PRKCE: variants seen among roughly 807,000 people sequenced by gnomAD.
PRKCE encodes the protein protein kinase C epsilon type.
PRKCE carries 16 observed loss-of-function variants against 85.4 expected under a neutral mutation model. That is an observed-to-expected ratio of 0.19 (90% CI 0.13 to 0.28). PRKCE has a LOEUF of 0.28. Ranked by LOEUF, PRKCE falls within the 10% of genes least tolerant of loss-of-function variation. The pLI, the probability that PRKCE is intolerant of heterozygous loss-of-function variation, is 1.00. For missense variants in PRKCE, 573 were observed against 975.2 expected (o/e 0.59, Z 5.49); for synonymous variants, 388 against 371.5 (o/e 1.04, Z -0.51).
chr2:45,806,351 CAG>C (rs543443169), intron 1 of PRKCE, among the ~76,000 whole-genome samples: 95 of 152,314 alleles, frequency 6.2e-4, no homozygotes, highest in Admixed American at 2.0e-3. Context: ...AGCAGGGACT[CAG>C]AGATTGACTT....
chr2:45,789,595 C>T (rs113005765), intron 1 of PRKCE, among the ~76,000 whole-genome samples: 3,687 of 152,184 alleles, frequency 0.024, 171 homozygotes, highest in African/African-American at 0.084. Flanking sequence ...CATGCCACTG[C>T]ACTCCAGCCT....
intron 1 of PRKCE, chr2:45,677,878 C>CAGG: frequency 1.0e-6 from 1 of 985,472 alleles, no homozygotes; most frequent in South Asian, 4.7e-5. Flanking sequence ...ATGGAAAGGC[C>CAGG]AGGACACCAC....
At chr2:46,050,747 T>C (rs998230464) in intron 10 of PRKCE, among the ~76,000 whole-genome samples, 1 of 152,230 alleles carries the variant, frequency 6.6e-6, no homozygotes, top group Non-Finnish European at 1.5e-5. Flanking sequence ...GATTTCTTTT[T>C]TCCCCCCCAG....
At chr2:45,938,586 A>G (rs1699647712) in intron 2 of PRKCE, among the ~76,000 whole-genome samples, 1 of 152,068 alleles carries the variant, frequency 6.6e-6, no homozygotes, top group South Asian at 2.1e-4. Context: ...TTATTCAGTT[A>G]GCAAACTTTT....
At chr2:46,136,043 C>T (rs1414478690) in intron 11 of PRKCE, among the ~76,000 whole-genome samples, 3 of 152,108 alleles carry the variant, frequency 2.0e-5, no homozygotes, top group Non-Finnish European at 2.9e-5. Context: ...CAAGTCTCCA[C>T]TATTTGTCCC....
At chr2:45,817,633 G>A (rs1025980257) in intron 1 of PRKCE, among the ~76,000 whole-genome samples, 10 of 152,150 alleles carry the variant, frequency 6.6e-5, no homozygotes. Context: ...AGCGGAGCTT[G>A]CAGTGAGCCG....
intron 10 of PRKCE, among the ~76,000 whole-genome samples, chr2:46,033,756 A>G (rs1007245986): frequency 2.0e-5 from 3 of 152,234 alleles, no homozygotes; most frequent in African/African-American, 7.2e-5. Context: ...ATTCGATAGA[A>G]TCAGATGCCG....
At chr2:45,859,195 A>C (rs1692945176) in intron 2 of PRKCE, among the ~76,000 whole-genome samples, 1 of 151,960 alleles carries the variant, frequency 6.6e-6, no homozygotes, top group South Asian at 2.1e-4. Flanking sequence ...ATATTATTCC[A>C]TTATATTAAT....
chr2:46,002,499 C>A (rs924559127), intron 7 of PRKCE, among the ~76,000 whole-genome samples: 1 of 152,192 alleles, frequency 6.6e-6, no homozygotes, highest in East Asian at 1.9e-4. Flanking sequence ...AGAAGCTACC[C>A]GTGGCTCTTC....
chr2:45,728,145 T>C (rs1328056271), intron 1 of PRKCE, among the ~76,000 whole-genome samples: 1 of 152,208 alleles, frequency 6.6e-6, no homozygotes, highest in African/African-American at 2.4e-5. Flanking sequence ...CCACATCCTT[T>C]CAGAAAGTCC....
In PRKCE at chr2:46,006,882, A is replaced by C. The variant is rs889243652; in HGVS notation, c.1064-580A>C. On this transcript the variant is annotated intron_variant, in intron 8 of 14. Coordinates refer to ENST00000306156, the MANE Select transcript of PRKCE (RefSeq NM_005400.3). ...TTTGTTAATAATAAGCCCATTGCTC[A>C]TTTTGTTAGATAACCTTGTGTAAGA... 2.6e-5 allele frequency among the ~76,000 whole-genome samples: 4 copies of C among 152,198 alleles called. No homozygotes were observed. The South Asian group carries it at 8.3e-4, about 32-fold the overall frequency.
At chr2:45,736,196 A>C (rs1439749716) in intron 1 of PRKCE, among the ~76,000 whole-genome samples, 1 of 152,136 alleles carries the variant, frequency 6.6e-6, no homozygotes, top group South Asian at 2.1e-4. Flanking sequence ...CCTGGCTTCA[A>C]GTGATCTACC....
At chr2:46,058,371 G>T (rs917080872) in intron 10 of PRKCE, among the ~76,000 whole-genome samples, 1 of 152,230 alleles carries the variant, frequency 6.6e-6, no homozygotes, top group Non-Finnish European at 1.5e-5. Flanking sequence ...GATGCTCATT[G>T]TGTGGGGATG....
rs1439625479 is a variant in PRKCE at position 45,774,057 on chromosome 2, T to C, written c.349-68943T>C. On this transcript the variant is annotated intron_variant, in intron 1 of 14. Coordinates refer to ENST00000306156, the MANE Select transcript of PRKCE (RefSeq NM_005400.3). The surrounding 1 kb of genome is among the most constrained non-coding windows in gnomAD (Gnocchi z 4.3). The stretch of plus-strand genomic sequence containing the variant: ...CCTTCTAGACCCCAGAGTCCTCCCC[T>C]CCCCCGCTGCTGCTGTTCATCTTGG... 6.6e-6 allele frequency among the ~76,000 whole-genome samples: 1 copy of C among 152,062 alleles called. No homozygotes were observed. The highest frequency in any genetic ancestry group is 2.4e-5 in the African/African-American group (1 of 41,398).
At chr2:45,902,539 T>A (rs62127255) in intron 2 of PRKCE, among the ~76,000 whole-genome samples, 88 of 152,048 alleles carry the variant, frequency 5.8e-4, no homozygotes, top group Non-Finnish European at 1.1e-3. Flanking sequence ...ATGGGATGTG[T>A]GAAAAGCTGT....
chr2:46,124,892 G>A (rs191370445), intron 11 of PRKCE, among the ~76,000 whole-genome samples: 26 of 152,264 alleles, frequency 1.7e-4, no homozygotes, highest in African/African-American at 6.0e-4. Context: ...CCACTTAATC[G>A]ATGAATATGG....
At chr2:45,683,304 A>G (rs1677049001) in intron 1 of PRKCE, among the ~76,000 whole-genome samples, 1 of 152,182 alleles carries the variant, frequency 6.6e-6, no homozygotes, top group African/African-American at 2.4e-5. Context: ...TAGCACCCCC[A>G]TAGACTGTGA....
intron 2 of PRKCE, among the ~76,000 whole-genome samples, chr2:45,849,261 G>A (rs1573598553): frequency 6.6e-6 from 1 of 152,090 alleles, no homozygotes; most frequent in Admixed American, 6.5e-5. Context: ...GTCAAGTTTG[G>A]TCAAGTCTGG....
rs773673004 is a variant in PRKCE, at chr2:46,007,603, G to C, written c.1205G>C (p.Arg402Pro). ...GAAGTCCGGCAAGGCCAGGCCAAGC[G>C]CCTGGGCCTGGATGAGTTCAACTTC... ...NGEVRQGQAK[R>P]LGLDEFNFIK... is the part of the protein sequence containing the mutation. Residue 402 changes from arginine (R) to proline (P), a missense_variant, in exon 9 of 15, where the codon CGC becomes CCC. This residue lies in a region of PRKCE where 117 missense variants were observed against 104.8 expected (regional missense o/e 1.12). Coordinates refer to ENST00000306156, the MANE Select transcript of PRKCE (RefSeq NM_005400.3). 1 of 1,599,776 alleles carries C rather than the reference G, an allele frequency of 6.3e-7. No homozygotes were observed. The highest frequency in any genetic ancestry group is 8.5e-7 in the Non-Finnish European group (1 of 1,179,956).
Sources: gnomAD v4.1 joint callset for allele counts (sites outside exome capture counted in the v4.1 genomes callset) on GRCh38, gnomAD v4.1.1 for gene constraint, gnomAD v4.1.1 regional missense constraint, Gnocchi (gnomAD v3.1) non-coding constraint, MANE v1.5 for transcripts, NCBI Gene and HGNC (gene_info 2026-07-23, HGNC 2026-07-21) for gene names.